Variants in RBFOX1 observed in about 807,000 individuals in gnomAD.
RBFOX1 encodes RNA binding protein fox-1 homolog 1.
In RBFOX1, 8 loss-of-function variants were observed where a neutral mutation model predicts 57.7. That is an observed-to-expected ratio of 0.14 (90% CI 0.08 to 0.25). The LOEUF is 0.25. RBFOX1 is among the 10% of genes least tolerant of loss of function. The pLI, the probability that RBFOX1 is intolerant of heterozygous loss-of-function variation, is 1.00. For missense variants in RBFOX1, 611 were observed against 548.5 expected (o/e 1.11, Z -1.14); for synonymous variants, 326 against 222.4 (o/e 1.47, Z -4.15).
At chr16:6,943,388 G>A (rs1316732517) in intron 3 of RBFOX1, among the ~76,000 whole-genome samples, 2 of 152,116 alleles carry the variant, frequency 1.3e-5, no homozygotes, top group East Asian at 1.9e-4. Flanking sequence ...TTAATAGACA[G>A]ACAAGACTGA....
chr16:6,322,300 A>G (rs913596390), intron 2 of RBFOX1, among the ~76,000 whole-genome samples: 2 of 152,216 alleles, frequency 1.3e-5, no homozygotes, highest in African/African-American at 4.8e-5. Flanking sequence ...GTTGTTGAAT[A>G]AGCTCATCCT....
chr16:7,294,211 G>T (rs2141715297), intron 4 of RBFOX1, among the ~76,000 whole-genome samples: 1 of 152,200 alleles, frequency 6.6e-6, no homozygotes, highest in African/African-American at 2.4e-5. Flanking sequence ...CCACTTAGCT[G>T]TTTTTGTCTC....
At chr16:5,652,448 G>A (rs994769630) in intron 3 of RBFOX1, among the ~76,000 whole-genome samples, 3 of 152,148 alleles carry the variant, frequency 2.0e-5, no homozygotes, top group Non-Finnish European at 2.9e-5. Flanking sequence ...AGGGAAGCCT[G>A]TATCACATGT....
At chr16:5,255,856 A>G (rs890678415) in intron 1 of RBFOX1, among the ~76,000 whole-genome samples, 7 of 152,000 alleles carry the variant, frequency 4.6e-5, no homozygotes, top group Non-Finnish European at 1.0e-4. Flanking sequence ...GCTCAAACTG[A>G]GCTGCCTCCT....
chr16:5,926,861 G>A (rs780496178), intron 4 of RBFOX1, among the ~76,000 whole-genome samples: 21 of 152,254 alleles, frequency 1.4e-4, no homozygotes, highest in Admixed American at 4.6e-4. Context: ...CTGTTAAGTC[G>A]GGTATTTTTA....
At chr16:6,229,885 G>T (rs575106959) in intron 1 of RBFOX1, among the ~76,000 whole-genome samples, 12 of 151,826 alleles carry the variant, frequency 7.9e-5, no homozygotes, top group Non-Finnish European at 1.5e-4. Context: ...GTAGCATATC[G>T]CATGTCTTAG....
In RBFOX1 at chr16:7,069,320, C is replaced by T. The variant is rs113607354; in HGVS notation, c.27+17222C>T. On this transcript the variant is annotated intron_variant, in intron 4 of 15. Transcript: ENST00000550418. ...CCATCTAGGTATTAAGCCCTGCGTG[C>T]ATTAGCTGTTTTCCCTAATGCTCTC... Among the ~76,000 whole-genome samples the T allele has an allele frequency of 5.6e-4, 86 of 152,262 alleles. 1 individual carries two copies. Among genetic ancestry groups the T allele is most frequent in the African/African-American group, 2.0e-3 (83 of 41,566 alleles).
At chr16:7,438,352 T>C (rs1416206585) in intron 4 of RBFOX1, among the ~76,000 whole-genome samples, 3 of 152,090 alleles carry the variant, frequency 2.0e-5, no homozygotes, top group Non-Finnish European at 4.4e-5. Context: ...GTCCATGGTT[T>C]GGGTCCTCTG....
chr16:7,039,152 C>A (rs2045407001), intron 3 of RBFOX1, among the ~76,000 whole-genome samples: 1 of 152,206 alleles, frequency 6.6e-6, no homozygotes. Context: ...GGATATGCTC[C>A]ATAAAGTATT....
intron 2 of RBFOX1, among the ~76,000 whole-genome samples, chr16:6,511,354 C>G (rs773934348): frequency 1.3e-5 from 2 of 152,172 alleles, no homozygotes; most frequent in African/African-American, 4.8e-5. Flanking sequence ...TTCTTAGTGT[C>G]TATCATGTAG....
intron 3 of RBFOX1, among the ~76,000 whole-genome samples, chr16:6,983,195 T>C (rs186479867): frequency 2.6e-5 from 4 of 152,150 alleles, no homozygotes; most frequent in Non-Finnish European, 4.4e-5. Flanking sequence ...CCTTGGGTAG[T>C]ACTCATCCTC....
intron 2 of RBFOX1, among the ~76,000 whole-genome samples, chr16:5,496,635 C>T (rs751124028): frequency 6.6e-5 from 10 of 152,250 alleles, no homozygotes; most frequent in South Asian, 2.1e-4. Context: ...AGCAAGCAAA[C>T]GCCCAATAAA....
chr16:7,068,226 G>C (rs960793959), intron 4 of RBFOX1, among the ~76,000 whole-genome samples: 8 of 152,040 alleles, frequency 5.3e-5, no homozygotes, highest in Non-Finnish European at 1.2e-4. Flanking sequence ...TCTAAGATCA[G>C]CCAGCCAAGA....
At position 5,779,336 on chromosome 16, in the gene RBFOX1, T is replaced by G. The variant is rs575977599; in HGVS notation, c.319-87967T>G. ...AGTTGTTAAATTTCCAAACTTGATC[T>G]CTGCTCCCTCCTGCATTTTGAACCT... On this transcript the variant is annotated intron_variant, in intron 3 of 19. Transcript: ENST00000641259. 2.5e-4 allele frequency among the ~76,000 whole-genome samples: 38 copies of G among 152,320 alleles called. No homozygotes were observed. The South Asian group carries it at 7.7e-3, about 31-fold the overall frequency.
At chr16:7,455,418 A>T (rs759774119) in intron 4 of RBFOX1, among the ~76,000 whole-genome samples, 1 of 152,194 alleles carries the variant, frequency 6.6e-6, no homozygotes, top group African/African-American at 2.4e-5. Context: ...CAAGAATATA[A>T]CAGCTCCCAG....
intron 1 of RBFOX1, among the ~76,000 whole-genome samples, chr16:6,073,190 A>G (rs1028401241): frequency 3.3e-5 from 5 of 152,182 alleles, no homozygotes; most frequent in Non-Finnish European, 7.3e-5. Context: ...TTCATCCCTT[A>G]ATATCATCTA....
intron 2 of RBFOX1, among the ~76,000 whole-genome samples, chr16:6,342,842 T>G (rs2084775898): frequency 6.6e-6 from 1 of 152,192 alleles, no homozygotes; most frequent in Non-Finnish European, 1.5e-5. Context: ...TTTGTATTCA[T>G]TTGGTGTGAG....
chr16:5,271,028 GC>G (rs1943068639), intron 1 of RBFOX1: 2 of 274,450 alleles, frequency 7.3e-6, no homozygotes, highest in Admixed American at 5.4e-5. Flanking sequence ...AATGAAAAAA[GC>G]AAAATTAGTC....
chr16:5,653,463 G>A (rs1206438847), intron 3 of RBFOX1, among the ~76,000 whole-genome samples: 2 of 144,092 alleles, frequency 1.4e-5, no homozygotes, highest in Non-Finnish European at 3.0e-5. Context: ...ACCTTTGTAC[G>A]GAAGGTGGGG....
Sources: allele counts gnomAD v4.1 joint callset (sites outside exome capture counted in the v4.1 genomes callset), GRCh38; gene constraint gnomAD v4.1.1; transcripts MANE v1.5; gene names NCBI Gene and HGNC (gene_info 2026-07-23, HGNC 2026-07-21).